CEP112: variants seen among roughly 807,000 people sequenced by gnomAD.
CEP112 encodes centrosomal protein of 112 kDa.
CEP112 carries 127 observed loss-of-function variants against 153.0 expected under a neutral mutation model. The ratio of observed to expected loss-of-function variants is 0.83; its 90% CI spans 0.72 to 0.96. The LOEUF (loss-of-function observed/expected upper bound fraction) is 0.96. CEP112 is among the 40% of genes least tolerant of loss of function. The pLI is 0.00. For synonymous variants in CEP112, 358 were observed against 374.4 expected, an observed-to-expected ratio of 0.96 and a Z score of 0.51; for missense variants, 1,089 against 1,101.2, an observed-to-expected ratio of 0.99 and a Z score of 0.16.
At chr17:66,143,577 C>T (rs530105025) in intron 4 of CEP112, among the ~76,000 whole-genome samples, 18 of 152,258 alleles carry the variant, frequency 1.2e-4, no homozygotes, top group South Asian at 2.1e-4. Flanking sequence ...TTCGTGAATA[C>T]GGTGTTTGTC....
At chr17:65,689,849 T>C (rs1460520122) in intron 23 of CEP112, among the ~76,000 whole-genome samples, 5 of 152,072 alleles carry the variant, frequency 3.3e-5, no homozygotes, top group South Asian at 2.1e-4. Flanking sequence ...TCAATTACTA[T>C]GTTAAGTAAA....
At chr17:65,674,982 A>G (rs919567558) in intron 24 of CEP112, among the ~76,000 whole-genome samples, 2 of 152,220 alleles carry the variant, frequency 1.3e-5, no homozygotes, top group Non-Finnish European at 2.9e-5. Context: ...TTTGATATAG[A>G]ATAAGTAATT....
rs201975521 is a variant in CEP112 at position 66,176,916 on chromosome 17, A to G, written c.211T>C (p.Leu71=). The G allele has an allele frequency of 1.2e-6, 2 of 1,613,984 alleles. No individual in the cohort carries two copies. Among genetic ancestry groups the G allele is most frequent in the East Asian group, 2.2e-5 (1 of 44,874 alleles). ...KNRNLYAKLL[L]HMLKRGALEG... is the part of the protein sequence containing the mutation. ...AGCGCACCTCGTTTAAGCATATGCA[A>G]TAACAATTTTGCATACAGGTTCCGA... Residue 71 remains leucine, a synonymous_variant, in exon 3 of 27, where the codon TTG becomes CTG. Coordinates refer to ENST00000535342, the MANE Select transcript of CEP112 (RefSeq NM_001199165.4).
intron 4 of CEP112, 85 bp downstream of exon 4, chr17:66,174,959 A>C: frequency 1.0e-6 from 1 of 974,464 alleles, no homozygotes; most frequent in Non-Finnish European, 1.4e-6. Context: ...CCATTATAAA[A>C]AAAAGGAAAA....
At chr17:65,978,869 C>G (rs2063126506) in intron 17 of CEP112, among the ~76,000 whole-genome samples, 1 of 152,186 alleles carries the variant, frequency 6.6e-6, no homozygotes, top group African/African-American at 2.4e-5. Context: ...TCTACTGACA[C>G]TCATTTAAAG....
chr17:65,753,030 T>C (rs1415488166), intron 21 of CEP112, among the ~76,000 whole-genome samples: 1 of 152,220 alleles, frequency 6.6e-6, no homozygotes, highest in Non-Finnish European at 1.5e-5. Flanking sequence ...CACTGGTTCA[T>C]GCCTTTTTCA....
Position 65,641,056 on chromosome 17 carries a change from T to A in CEP112, c.2707A>T (p.Ile903Leu). The A allele has an allele frequency of 6.3e-7, 1 of 1,584,974 alleles. No individual in the cohort carries two copies. The highest frequency in any genetic ancestry group is 8.7e-7 in the Non-Finnish European group (1 of 1,154,434). The change falls in exon 25 of 27, where the codon ATA (isoleucine) becomes TTA (leucine). Residue 903 changes from isoleucine to leucine, a missense_variant. Transcript: ENST00000535342. ...AATTTTGTTTCATATTCTTGTCGTATGTAAGTTATCTAAATTGGAAAAAAA... is the reference window on the plus strand; with the variant it reads ...AATTTTGTTTCATATTCTTGTCGTAAGTAAGTTATCTAAATTGGAAAAAAA... ...ELESQEQITY[I>L]RQEYETKLKG...
chr17:66,112,658 T>C (rs1323436759), intron 6 of CEP112, among the ~76,000 whole-genome samples: 1 of 151,798 alleles, frequency 6.6e-6, no homozygotes, highest in Non-Finnish European at 1.5e-5. Flanking sequence ...AATAACACAG[T>C]GCCAGCCAGG....
chr17:66,049,967 A>C (rs1305925045), intron 12 of CEP112, among the ~76,000 whole-genome samples: 2 of 151,910 alleles, frequency 1.3e-5, no homozygotes, highest in African/African-American at 4.8e-5. Flanking sequence ...GAAGGGATAG[A>C]TCTTTTCAAA....
At chr17:65,909,774 A>G (rs1247511836) in intron 19 of CEP112, among the ~76,000 whole-genome samples, 1 of 152,222 alleles carries the variant, frequency 6.6e-6, no homozygotes, top group Non-Finnish European at 1.5e-5. Context: ...AAGGTAGCCA[A>G]GGAAAGAAAG....
chr17:65,834,816 T>C (rs1042843817), intron 21 of CEP112, among the ~76,000 whole-genome samples: 20 of 152,056 alleles, frequency 1.3e-4, no homozygotes, highest in African/African-American at 4.3e-4. Flanking sequence ...AAAACAGAAC[T>C]ACCATTCAAC....
At chr17:65,802,656 A>T (rs1464991678) in intron 21 of CEP112, among the ~76,000 whole-genome samples, 3 of 152,098 alleles carry the variant, frequency 2.0e-5, no homozygotes, top group Non-Finnish European at 2.9e-5. Flanking sequence ...CATTATACAT[A>T]CCCCATGGAA....
intron 19 of CEP112, among the ~76,000 whole-genome samples, chr17:65,912,224 C>T (rs1388652482): frequency 6.6e-6 from 1 of 152,160 alleles, no homozygotes; most frequent in East Asian, 1.9e-4. Flanking sequence ...ATTATCACCA[C>T]AGATCCCTGC....
intron 24 of CEP112, among the ~76,000 whole-genome samples, chr17:65,651,338 G>A (rs1335503231): frequency 6.6e-6 from 1 of 152,160 alleles, no homozygotes; most frequent in African/African-American, 2.4e-5. Flanking sequence ...CTCATTGATT[G>A]ATGGACATCT....
At chr17:65,773,608 T>C (rs750404632) in intron 21 of CEP112, among the ~76,000 whole-genome samples, 3 of 152,086 alleles carry the variant, frequency 2.0e-5, no homozygotes, top group Non-Finnish European at 2.9e-5. Flanking sequence ...AACCAAGAAA[T>C]AGAAAGAAAT....
At chr17:66,057,564 T>G (rs1255557776) in intron 11 of CEP112, among the ~76,000 whole-genome samples, 2 of 152,160 alleles carry the variant, frequency 1.3e-5, no homozygotes, top group Non-Finnish European at 1.5e-5. Context: ...GTGAGAGACA[T>G]AGGATGCATA....
rs748319764 is a variant in CEP112, at chr17:65,743,141, C to T, written c.2534G>A (p.Arg845Gln). 8 of 1,613,004 alleles carry T rather than the reference C, an allele frequency of 5.0e-6. No individual in the cohort carries two copies. The highest frequency in any genetic ancestry group is 3.3e-5 in the South Asian group (3 of 90,856). The change falls in exon 23 of 27, where the codon CGG becomes CAG. Residue 845 changes from arginine (R) to glutamine (Q), a missense_variant. Transcript: ENST00000535342. ...NSQQQLAAER[R>Q]LQDVRQKFED... ...AAACTTTTGTCTAACATCCTGGAGC[C>T]GCCTTTCTGCAGCAAGCTGCTGCTG...
At chr17:65,732,371 C>T (rs1451572431) in intron 23 of CEP112, among the ~76,000 whole-genome samples, 1 of 152,178 alleles carries the variant, frequency 6.6e-6, no homozygotes, top group East Asian at 1.9e-4. Context: ...TGCAGTGCAG[C>T]CTTTCTTGTT....
At chr17:66,077,316 T>C (rs1181798943) in intron 8 of CEP112, among the ~76,000 whole-genome samples, 1 of 151,510 alleles carries the variant, frequency 6.6e-6, no homozygotes, top group East Asian at 1.9e-4. Flanking sequence ...ATACAAGAAG[T>C]GAAGGGAGAA....
Sources: gnomAD v4.1 joint callset for allele counts (sites outside exome capture counted in the v4.1 genomes callset) on GRCh38, gnomAD v4.1.1 for gene constraint, MANE v1.5 for transcripts, NCBI Gene and HGNC (gene_info 2026-07-23, HGNC 2026-07-21) for gene names.